OLA1: variants seen among roughly 807,000 people sequenced by gnomAD.
The protein encoded by OLA1 is Obg like ATPase 1, also known as obg-like ATPase 1.
In OLA1, 14 loss-of-function variants were observed where a neutral mutation model predicts 48.4. The observed-to-expected ratio is 0.29, with a 90% CI of 0.19 to 0.45. OLA1 has a LOEUF of 0.45. OLA1 is among the 20% of genes least tolerant of loss of function. OLA1 has a pLI of 1.00. For synonymous variants in OLA1, 127 were observed against 150.4 expected, an observed-to-expected ratio of 0.84 and a Z score of 1.14; for missense variants, 325 against 467.1, an observed-to-expected ratio of 0.70 and a Z score of 2.80.
chr2:174,159,641 C>T (rs772686438), intron 4 of OLA1, among the ~76,000 whole-genome samples: 4 of 151,992 alleles, frequency 2.6e-5, no homozygotes, highest in Non-Finnish European at 4.4e-5. Context: ...CATGTTACTG[C>T]TTATATAATA....
chr2:174,185,056 G>C (rs941094365), intron 4 of OLA1, among the ~76,000 whole-genome samples: 5 of 152,250 alleles, frequency 3.3e-5, no homozygotes, highest in African/African-American at 1.2e-4. Flanking sequence ...AAATGGTCCA[G>C]CTTGGTGGAG....
intron 7 of OLA1, among the ~76,000 whole-genome samples, chr2:174,114,027 G>A (rs1443957248): frequency 6.6e-6 from 1 of 151,838 alleles, no homozygotes; most frequent in Non-Finnish European, 1.5e-5. Context: ...CTTTTAGTTT[G>A]GTATAAGAAA....
At chr2:174,134,937 G>A (rs1463553981) in intron 5 of OLA1, among the ~76,000 whole-genome samples, 6 of 152,076 alleles carry the variant, frequency 3.9e-5, no homozygotes, top group South Asian at 2.1e-4. Context: ...TGAGGCCGGC[G>A]GATCACAAGG....
intron 3 of OLA1, among the ~76,000 whole-genome samples, chr2:174,225,280 G>C (rs1299659482): frequency 6.6e-6 from 1 of 152,232 alleles, no homozygotes; most frequent in Non-Finnish European, 1.5e-5. Flanking sequence ...TCCGGGTGCA[G>C]TGGCTCACGC....
At chr2:174,089,203 GA>G (rs966832692) in intron 7 of OLA1, among the ~76,000 whole-genome samples, 3 of 151,980 alleles carry the variant, frequency 2.0e-5, no homozygotes, top group Middle Eastern at 3.2e-3. Flanking sequence ...AAAAAGAAAA[GA>G]AAAAAGAATA....
At chr2:174,130,941 T>G (rs931813026) in intron 5 of OLA1, among the ~76,000 whole-genome samples, 1 of 151,930 alleles carries the variant, frequency 6.6e-6, no homozygotes, top group African/African-American at 2.4e-5. Flanking sequence ...TAGAAAAAAA[T>G]GGATGAGATA....
rs1298017481 is a variant in OLA1, at chr2:174,163,703, AATAAAT to A, written c.374-21709_374-21704del. Among the ~76,000 whole-genome samples, 296 of 49,690 alleles carry A rather than the reference AATAAAT, an allele frequency of 6.0e-3. 15 individuals are homozygous for A. The highest frequency in any genetic ancestry group is 0.027 in the African/African-American group (281 of 10,378). 32.6% of individuals were successfully genotyped at this position (49,690 alleles called of 152,430 possible). ...GAGACCTTGTCTCAAAAATAAAATA[AATAAAT>A]AAATATATATATATATATATATATA... On this transcript the variant is annotated intron_variant, in intron 4 of 10. Transcript: ENST00000284719.
At chr2:174,121,394 C>A (rs564310848) in intron 7 of OLA1, among the ~76,000 whole-genome samples, 7 of 152,012 alleles carry the variant, frequency 4.6e-5, no homozygotes, top group Non-Finnish European at 1.0e-4. Context: ...GAACAGCAGG[C>A]GGCAGAAACT....
intron 4 of OLA1, among the ~76,000 whole-genome samples, chr2:174,197,094 C>A (rs1306253011): frequency 6.6e-6 from 1 of 152,110 alleles, no homozygotes; most frequent in Non-Finnish European, 1.5e-5. Flanking sequence ...AAAAATCAGA[C>A]CATGGAGAAG....
intron 4 of OLA1, among the ~76,000 whole-genome samples, chr2:174,208,028 C>T (rs555482101): frequency 2.7e-4 from 41 of 152,256 alleles, no homozygotes; most frequent in African/African-American, 9.4e-4. Flanking sequence ...AAAATTTGCA[C>T]ACTTTATTTA....
At chr2:174,115,780 T>C (rs574616089) in intron 7 of OLA1, among the ~76,000 whole-genome samples, 1 of 152,336 alleles carries the variant, frequency 6.6e-6, no homozygotes, top group Admixed American at 6.5e-5. Context: ...CCTTATTTCA[T>C]AAGGTCTTCC....
At chr2:174,144,211 CTG>C (rs1249964209) in intron 4 of OLA1, among the ~76,000 whole-genome samples, 2 of 152,150 alleles carry the variant, frequency 1.3e-5, no homozygotes, top group East Asian at 1.9e-4. Context: ...GGAGTTATGA[CTG>C]TATCATCACT....
intron 4 of OLA1, among the ~76,000 whole-genome samples, chr2:174,169,178 C>T (rs764317694): frequency 2.0e-5 from 3 of 152,118 alleles, no homozygotes; most frequent in African/African-American, 4.8e-5. Context: ...AACTCCTGAC[C>T]TCATGATCTG....
intron 4 of OLA1, among the ~76,000 whole-genome samples, chr2:174,183,628 G>A (rs1033942840): frequency 3.9e-5 from 6 of 152,318 alleles, no homozygotes; most frequent in African/African-American, 1.4e-4. Flanking sequence ...TGTGTAAGAG[G>A]ACAAAAGCAA....
chr2:174,074,056 G>A lies in OLA1; in HGVS notation c.*1370C>T, dbSNP rs1684669087. On this transcript the variant is annotated 3_prime_UTR_variant, in exon 11 of 11. Coordinates refer to ENST00000284719, the MANE Select transcript of OLA1 (RefSeq NM_013341.5). ...ATCCTCTTTAAATATCTTAAGTATA[G>A]CCAAATCTTTAAAAAATCACCCCTT... is the stretch of plus-strand genomic sequence containing the variant. 6.6e-6 allele frequency: 1 copy of A among 152,076 alleles called. No individual in the cohort carries two copies. The highest frequency in any genetic ancestry group is 6.6e-5 in the Admixed American group (1 of 15,264). 9.4% of individuals were successfully genotyped at this position (152,076 alleles called of 1,614,324 possible).
rs1574465374 is a variant in OLA1 at position 174,074,047 on chromosome 2, T to G, written c.*1379A>C. ...CTCAACCTCATCCTCTTTAAATATC[T>G]TAAGTATAGCCAAATCTTTAAAAAA... On this transcript the variant is annotated 3_prime_UTR_variant, in exon 11 of 11. Transcript: ENST00000284719. 1.3e-5 allele frequency: 2 copies of G among 152,340 alleles called. No homozygotes were observed. The highest frequency in any genetic ancestry group is 4.1e-4 in the South Asian group (2 of 4,832). The allele number at this position is 152,340 out of a possible 1,614,324, so 9.4% of individuals were successfully genotyped here.
intron 4 of OLA1, among the ~76,000 whole-genome samples, chr2:174,168,791 AT>A (rs1687229688): frequency 3.3e-5 from 5 of 151,366 alleles, no homozygotes; most frequent in African/African-American, 1.2e-4. Context: ...CTATCTATCT[AT>A]CTATCTATCT....
At chr2:174,077,592 C>T (rs537204862) in intron 10 of OLA1, among the ~76,000 whole-genome samples, 2 of 151,858 alleles carry the variant, frequency 1.3e-5, no homozygotes, top group Non-Finnish European at 2.9e-5. Flanking sequence ...ATAAAAGCTG[C>T]CAGTTAGTGG....
At chr2:174,147,146 G>C (rs576658049) in intron 4 of OLA1, among the ~76,000 whole-genome samples, 24 of 152,210 alleles carry the variant, frequency 1.6e-4, no homozygotes, top group Admixed American at 1.2e-3. Flanking sequence ...AACAAAAAAG[G>C]CCAGGTGCGG....
Sources: allele counts gnomAD v4.1 joint callset (sites outside exome capture counted in the v4.1 genomes callset), GRCh38; gene constraint gnomAD v4.1.1; transcripts MANE v1.5; gene names NCBI Gene and HGNC (gene_info 2026-07-23, HGNC 2026-07-21).